The following DHX36 variants were observed in gnomAD, a reference collection of about 807,000 sequenced individuals.
DHX36 encodes DEAH-box helicase 36, also known as ATP-dependent DNA/RNA helicase DHX36.
A neutral mutation model predicts 139.0 loss-of-function variants in DHX36; 50 were observed. That is an observed-to-expected ratio of 0.36 (90% CI 0.29 to 0.46). The LOEUF (loss-of-function observed/expected upper bound fraction) is 0.46, where lower values mean the gene tolerates loss of function less well. Among genes scored for constraint, DHX36 ranks in the 20% least tolerant of loss-of-function variants. The pLI, the probability that DHX36 is intolerant of heterozygous loss-of-function variation, is 1.00. For missense variants in DHX36, 1,024 were observed against 1,211.3 expected (o/e 0.85, Z 2.29); for synonymous variants, 425 against 401.9 (o/e 1.06, Z -0.69).
chr3:154,305,543 G>C (rs1712464067), intron 6 of DHX36, among the ~76,000 whole-genome samples: 2 of 152,190 alleles, frequency 1.3e-5, no homozygotes, highest in African/African-American at 2.4e-5. Context: ...GCCAAGATGG[G>C]AGGGTTGCTT....
intron 17 of DHX36, among the ~76,000 whole-genome samples, chr3:154,287,538 C>T (rs1351059876): frequency 2.6e-5 from 4 of 151,806 alleles, no homozygotes; most frequent in African/African-American, 7.3e-5. Flanking sequence ...GCCTGTAATC[C>T]CAGCAGGAGG....
At chr3:154,284,052 T>A (rs1719422124) in intron 19 of DHX36, among the ~76,000 whole-genome samples, 1 of 152,180 alleles carries the variant, frequency 6.6e-6, no homozygotes, top group Non-Finnish European at 1.5e-5. Flanking sequence ...AAAACTATTA[T>A]TTCCCCAAAA....
intron 13 of DHX36, 40 bp from the exon 14 acceptor site, chr3:154,293,852 A>C (rs377674335): frequency 2.2e-5 from 30 of 1,386,516 alleles, no homozygotes; most frequent in African/African-American, 8.6e-5. Context: ...AAGTACACTA[A>C]CTTCTAATAC....
chr3:154,291,245 G>A lies in DHX36; in HGVS notation c.1814+1306C>T, dbSNP rs527463041. ...TTTGCAGAAGGAATTTTTATCCATG[G>A]AGCCTACAAAAGACTGTTTTCCTTT... On this transcript the variant is annotated intron_variant, in intron 15 of 24. Coordinates refer to ENST00000496811, the MANE Select transcript of DHX36 (RefSeq NM_020865.3). Among the ~76,000 whole-genome samples, 182 of 151,266 alleles carry A rather than the reference G, an allele frequency of 1.2e-3. 3 individuals carry two copies. In the Middle Eastern group the frequency reaches 0.031, roughly 26 times the overall value.
chr3:154,294,785 C>T (rs1455727512), intron 13 of DHX36, among the ~76,000 whole-genome samples: 1 of 152,138 alleles, frequency 6.6e-6, no homozygotes, highest in African/African-American at 2.4e-5. Flanking sequence ...TAACATTATC[C>T]TGCCTCTGAG....
chr3:154,323,664 G>A (rs1316806146), intron 1 of DHX36, among the ~76,000 whole-genome samples: 1 of 152,036 alleles, frequency 6.6e-6, no homozygotes, highest in Non-Finnish European at 1.5e-5. Context: ...AAAAACCTAG[G>A]TTTGCAGATA....
intron 9 of DHX36, among the ~76,000 whole-genome samples, chr3:154,302,688 A>G (rs915376698): frequency 2.0e-5 from 3 of 152,212 alleles, no homozygotes; most frequent in African/African-American, 4.8e-5. Context: ...ATGGAAGCCA[A>G]CAAAGGAAAG....
At position 154,288,819 on chromosome 3, in the gene DHX36, C is replaced by CTG. The variant is rs774972758; in HGVS notation, c.2031+45_2031+46dup. The CTG allele has an allele frequency of 1.1e-5, 12 of 1,106,592 alleles. 1 individual carries two copies. In the South Asian group the frequency reaches 2.2e-4, roughly 21 times the overall value. 68.5% of individuals were successfully genotyped at this position (1,106,592 alleles called of 1,614,324 possible). Reference sequence around the variant, plus strand: ...ACATTATAATTAACTGGTTTACATGCTGTAGTATTCTAAGTTAGAATTAAA... The same window carrying CTG: ...ACATTATAATTAACTGGTTTACATGCTGTGTAGTATTCTAAGTTAGAATTAAA... On this transcript the variant is annotated intron_variant, in intron 17 of 24. Transcript: ENST00000496811.
chr3:154,299,737 C>G, intron 12 of DHX36, 101 bp downstream of exon 12: 6 of 825,960 alleles, frequency 7.3e-6, no homozygotes, highest in South Asian at 1.4e-5. Flanking sequence ...CATCTGTGAC[C>G]TAGTAGAAGC....
intron 1 of DHX36, among the ~76,000 whole-genome samples, chr3:154,323,481 A>AG (rs1157651216): frequency 2.0e-5 from 3 of 152,196 alleles, no homozygotes; most frequent in Admixed American, 6.5e-5. Context: ...TTTATTTACT[A>AG]GTCACTCGGA....
In DHX36 at chr3:154,285,340, G is replaced by A. The variant is rs1046454845; in HGVS notation, c.2032-353C>T. 5.3e-5 allele frequency among the ~76,000 whole-genome samples: 8 copies of A among 152,124 alleles called. No homozygotes were observed. In the South Asian group the frequency reaches 1.0e-3, roughly 20 times the overall value. Reference sequence around the variant, plus strand: ...CTATTATACATCTGGAATACATAATGCACACTCTCTAGATTCTAGTAGTTT... The same window carrying A: ...CTATTATACATCTGGAATACATAATACACACTCTCTAGATTCTAGTAGTTT... On this transcript the variant is annotated intron_variant, in intron 17 of 24. Coordinates refer to ENST00000496811, the MANE Select transcript of DHX36 (RefSeq NM_020865.3).
Position 154,324,157 on chromosome 3 carries a change from A to C in DHX36, c.243+17T>G. The C allele has an allele frequency of 6.2e-7, 1 of 1,604,196 alleles. No homozygotes were observed. The highest frequency in any genetic ancestry group is 1.7e-4 in the Middle Eastern group (1 of 6,034). Reference sequence around the variant, plus strand: ...CCTGTGCTGCCTCATCCTCTCCACTACTGAATCCGAGATTACCTCTTGCCT... The same window carrying C: ...CCTGTGCTGCCTCATCCTCTCCACTCCTGAATCCGAGATTACCTCTTGCCT... On this transcript the variant is annotated intron_variant, in intron 1 of 24. Coordinates refer to ENST00000496811, the MANE Select transcript of DHX36 (RefSeq NM_020865.3).
rs962365684 is a variant in DHX36, at chr3:154,272,615, A to G, written c.*3556T>C. The G allele has an allele frequency of 6.6e-6, 1 of 151,456 alleles. No individual in the cohort carries two copies. 9.4% of individuals were successfully genotyped at this position (151,456 alleles called of 1,614,324 possible). A position where few individuals can be genotyped will look rare whatever the true frequency, so the allele number is the denominator to read the frequency against. ...ATATATAAAATAATACCTAAAGTTT[A>G]TATATATCAAAATGGAACAATGGTA... On this transcript the variant is annotated 3_prime_UTR_variant, in exon 25 of 25. Transcript: ENST00000496811.
At position 154,304,447 on chromosome 3, in the gene DHX36, A is replaced by G. The variant is rs1045679303; in HGVS notation, c.1135+359T>C. 9.2e-5 allele frequency among the ~76,000 whole-genome samples: 14 copies of G among 152,354 alleles called. No individual in the cohort carries two copies. The East Asian group carries it at 1.5e-3, about 17-fold the overall frequency. On this transcript the variant is annotated intron_variant, in intron 8 of 24. Coordinates refer to ENST00000496811, the MANE Select transcript of DHX36 (RefSeq NM_020865.3). ...CTACCTGGAACATTGAAGGTGTTCC[A>G]TAAGTGGTCACTAGCAGTATTAGCA...
At position 154,280,646 on chromosome 3, in the gene DHX36, C is replaced by T; in HGVS notation, c.2500G>A (p.Val834Ile). Residue 834 changes from valine to isoleucine, a missense_variant, in exon 22 of 25, where the codon GTC becomes ATC. Val to Ile is a conservative substitution (Grantham distance 29, BLOSUM62 3). Transcript: ENST00000496811. ...TTGGGATATAAACCAGCACAGATGACAGCTTTAATTATCTTCTCATTATCT... is the reference window on the plus strand; with the variant it reads ...TTGGGATATAAACCAGCACAGATGATAGCTTTAATTATCTTCTCATTATCT... Reference protein sequence around the residue: ...NSDNEKIIKAVICAGLYPKVA... With the variant: ...NSDNEKIIKAIICAGLYPKVA... 1 of 1,613,050 alleles carries T rather than the reference C, an allele frequency of 6.2e-7. No homozygotes were observed. The highest frequency in any genetic ancestry group is 8.5e-7 in the Non-Finnish European group (1 of 1,179,616).
rs1712498121 is a variant in DHX36 at position 154,306,268 on chromosome 3, C to A, written c.841G>T (p.Ala281Ser). 1 of 1,613,454 alleles carries A rather than the reference C, an allele frequency of 6.2e-7. No individual in the cohort carries two copies. Among genetic ancestry groups the A allele is most frequent in the Non-Finnish European group, 8.5e-7 (1 of 1,179,802 alleles). Residue 281 changes from alanine (A) to serine (S), a missense_variant, in exon 6 of 25, where the codon GCA becomes TCA. Physicochemically the swap from Ala to Ser is moderately conservative, Grantham distance 99 (BLOSUM62 1). This residue lies in a region of DHX36 where 146 missense variants were observed against 215.0 expected (regional missense o/e 0.68). Coordinates refer to ENST00000496811, the MANE Select transcript of DHX36 (RefSeq NM_020865.3). Reference protein sequence around the residue: ...SVAERVAAERAESCGSGNSTG... With the variant: ...SVAERVAAERSESCGSGNSTG... ...CTATTACCACTGCCACAAGATTCTG[C>A]CCTTTCTGCAGCTACTCTTTCCGCA...
chr3:154,289,849 A>C, intron 15 of DHX36, 23 bp from the exon 16 acceptor site: 6 of 1,444,542 alleles, frequency 4.2e-6, no homozygotes, highest in Non-Finnish European at 5.7e-6. Context: ...ACAAAACAAA[A>C]TGAAACAAAG....
chr3:154,322,758 A>G (rs1389021364), intron 1 of DHX36, among the ~76,000 whole-genome samples: 1 of 152,204 alleles, frequency 6.6e-6, no homozygotes, highest in Non-Finnish European at 1.5e-5. Context: ...CTAGACTGTA[A>G]GCTCTTTGAA....
At position 154,274,355 on chromosome 3, in the gene DHX36, C is replaced by T. The variant is rs535737398; in HGVS notation, c.*1816G>A. 40 of 189,928 alleles carry T rather than the reference C, an allele frequency of 2.1e-4. No individual in the cohort carries two copies. Among genetic ancestry groups the T allele is most frequent in the Non-Finnish European group, 3.3e-4 (31 of 94,320 alleles). The allele number at this position is 189,928 out of a possible 1,614,324, so 11.8% of individuals were successfully genotyped here. ...AACAAAACAAAAAACCAACAAAAAACTAACAATATCCTATTAAAAGTGGCT... is the reference window on the plus strand; with the variant it reads ...AACAAAACAAAAAACCAACAAAAAATTAACAATATCCTATTAAAAGTGGCT... On this transcript the variant is annotated 3_prime_UTR_variant, in exon 25 of 25. Transcript: ENST00000496811.
Sources: gnomAD v4.1 joint callset for allele counts (sites outside exome capture counted in the v4.1 genomes callset) on GRCh38, gnomAD v4.1.1 for gene constraint, gnomAD v4.1.1 regional missense constraint, MANE v1.5 for transcripts, NCBI Gene and HGNC (gene_info 2026-07-23, HGNC 2026-07-21) for gene names.